GFRA1: variants seen among roughly 807,000 people sequenced by gnomAD.
GFRA1 encodes the protein GDNF family receptor alpha 1, also known as GDNF family receptor alpha-1.
GFRA1 carries 16 observed loss-of-function variants against 51.6 expected under a neutral mutation model. That is an observed-to-expected ratio of 0.31 (90% CI 0.21 to 0.47). The LOEUF (loss-of-function observed/expected upper bound fraction) is 0.47, where lower values mean the gene tolerates loss of function less well. GFRA1 is among the 20% of genes least tolerant of loss of function. The pLI is 1.00. For missense variants in GFRA1, 530 were observed against 594.3 expected, an observed-to-expected ratio of 0.89 and a Z score of 1.13; for synonymous variants, 270 against 241.3, an observed-to-expected ratio of 1.12 and a Z score of -1.10.
intron 6 of GFRA1, among the ~76,000 whole-genome samples, chr10:116,099,277 G>A (rs779494934): frequency 2.0e-5 from 3 of 152,136 alleles, no homozygotes; most frequent in Non-Finnish European, 2.9e-5. Flanking sequence ...TTTACACCAC[G>A]GTAACCAGCA....
At chr10:116,214,070 CTG>C (rs1965396419) in intron 4 of GFRA1, among the ~76,000 whole-genome samples, 1 of 151,994 alleles carries the variant, frequency 6.6e-6, no homozygotes, top group Non-Finnish European at 1.5e-5. Flanking sequence ...TGCCCAGAGA[CTG>C]TGAGAACCGT....
intron 4 of GFRA1, among the ~76,000 whole-genome samples, chr10:116,222,306 C>T (rs933538898): frequency 3.2e-4 from 48 of 152,166 alleles, no homozygotes; most frequent in African/African-American, 1.0e-3. Flanking sequence ...TCAAGCTATT[C>T]TCCTGCCTCA....
chr10:116,241,621 C>G lies in GFRA1; in HGVS notation c.418+27882G>C, dbSNP rs988883513. Among the ~76,000 whole-genome samples, 5 of 152,232 alleles carry G rather than the reference C, an allele frequency of 3.3e-5. No individual in the cohort carries two copies. The South Asian group carries it at 1.0e-3, about 32-fold the overall frequency. The stretch of plus-strand genomic sequence containing the variant: ...ACTTTGGCAGGAAACAGAGGTTCAT[C>G]TGGAACTGATAGGATGGTCAAATTG... On this transcript the variant is annotated intron_variant, in intron 4 of 10. Coordinates refer to ENST00000355422, the MANE Select transcript of GFRA1 (RefSeq NM_005264.8).
intron 5 of GFRA1, among the ~76,000 whole-genome samples, chr10:116,156,056 G>C (rs924186633): frequency 1.3e-5 from 2 of 152,092 alleles, no homozygotes; most frequent in African/African-American, 4.8e-5. Context: ...TTCACAAATG[G>C]GCCTCTTTCG....
At chr10:116,164,017 C>T (rs558929509) in intron 5 of GFRA1, among the ~76,000 whole-genome samples, 10 of 152,158 alleles carry the variant, frequency 6.6e-5, no homozygotes, top group Non-Finnish European at 4.4e-5. Flanking sequence ...TGACACCATT[C>T]CCACTCCCGA....
At chr10:116,173,315 C>T (rs1458618960) in intron 5 of GFRA1, among the ~76,000 whole-genome samples, 2 of 152,070 alleles carry the variant, frequency 1.3e-5, no homozygotes, top group African/African-American at 4.8e-5. Flanking sequence ...ATGGGAGAGG[C>T]TGAATGACAG....
Position 116,082,405 on chromosome 10 carries a change from T to C in GFRA1, c.1197+7336A>G, listed in dbSNP as rs188803384. 2.9e-4 allele frequency among the ~76,000 whole-genome samples: 44 copies of C among 152,292 alleles called. 1 individual carries two copies. The East Asian group carries it at 7.7e-3, about 27-fold the overall frequency. On this transcript the variant is annotated intron_variant, in intron 9 of 10. Coordinates refer to ENST00000355422, the MANE Select transcript of GFRA1 (RefSeq NM_005264.8). ...TCCCTCTTCCCCTCCTCCCTGGGAC[T>C]TTCCACCAAGACCACATCTTAGAAC...
At chr10:116,187,195 G>T (rs1962807016) in intron 5 of GFRA1, among the ~76,000 whole-genome samples, 1 of 152,318 alleles carries the variant, frequency 6.6e-6, no homozygotes, top group South Asian at 2.1e-4. Context: ...AAGTAGTCTA[G>T]AAAAAGGCTT....
intron 5 of GFRA1, among the ~76,000 whole-genome samples, chr10:116,150,996 G>A (rs923961026): frequency 6.6e-6 from 1 of 151,900 alleles, no homozygotes; most frequent in Non-Finnish European, 1.5e-5. Flanking sequence ...CACTGGCATT[G>A]AGCTGCACTT....
At chr10:116,173,568 C>T (rs1248635969) in intron 5 of GFRA1, among the ~76,000 whole-genome samples, 1 of 152,156 alleles carries the variant, frequency 6.6e-6, no homozygotes, top group Non-Finnish European at 1.5e-5. Flanking sequence ...CACCGTATGC[C>T]TTTCCAATAA....
rs549890029 is a variant in GFRA1, at chr10:116,130,443, ATAAC to A, written c.434-4890_434-4887del. Among the ~76,000 whole-genome samples the A allele has an allele frequency of 1.3e-3, 195 of 152,246 alleles. 1 individual carries two copies. Among genetic ancestry groups the A allele is most frequent in the African/African-American group, 4.5e-3 (188 of 41,586 alleles). The stretch of plus-strand genomic sequence containing the variant: ...TATATGGAAACGCAAAGGACACAGA[ATAAC>A]TAAAGCAACTGGAACAAGGAAAACA... On this transcript the variant is annotated intron_variant, in intron 5 of 10. Coordinates refer to ENST00000355422, the MANE Select transcript of GFRA1 (RefSeq NM_005264.8).
chr10:116,265,262 C>T (rs144525266), intron 4 of GFRA1, among the ~76,000 whole-genome samples: 21 of 151,872 alleles, frequency 1.4e-4, no homozygotes, highest in Non-Finnish European at 2.8e-4. Context: ...TTCCTTCCAG[C>T]AAGTCAGGAT....
intron 4 of GFRA1, among the ~76,000 whole-genome samples, chr10:116,217,227 A>G (rs59065548): frequency 0.21 from 31,909 of 152,070 alleles, 3,419 homozygotes; most frequent in South Asian, 0.29. Flanking sequence ...CCGGATCTCA[A>G]TGACCTGGGA....
intron 4 of GFRA1, among the ~76,000 whole-genome samples, chr10:116,240,334 T>A (rs4554795): frequency 0.63 from 95,669 of 151,978 alleles, 31,501 homozygotes; most frequent in African/African-American, 0.83. Flanking sequence ...TCATCCTAGC[T>A]TCACCCTTCC....
chr10:116,153,507 G>A (rs972814485), intron 5 of GFRA1, among the ~76,000 whole-genome samples: 2 of 152,150 alleles, frequency 1.3e-5, no homozygotes, highest in Non-Finnish European at 2.9e-5. Context: ...GTTGAGTGCT[G>A]TCTGCTGGTT....
At chr10:116,157,991 T>C (rs1305332241) in intron 5 of GFRA1, among the ~76,000 whole-genome samples, 1 of 152,140 alleles carries the variant, frequency 6.6e-6, no homozygotes, top group Non-Finnish European at 1.5e-5. Flanking sequence ...TCTTTAAGCC[T>C]GGTGGGTCAG....
At chr10:116,198,994 G>C (rs1331317505) in intron 5 of GFRA1, among the ~76,000 whole-genome samples, 1 of 152,138 alleles carries the variant, frequency 6.6e-6, no homozygotes, top group African/African-American at 2.4e-5. Context: ...TGATGATGGA[G>C]GCAGAGATGG....
intron 5 of GFRA1, among the ~76,000 whole-genome samples, chr10:116,141,245 T>C (rs1371904831): frequency 6.6e-6 from 1 of 152,076 alleles, no homozygotes; most frequent in Non-Finnish European, 1.5e-5. Flanking sequence ...AAATGAACAA[T>C]GCAGGTACGT....
chr10:116,093,842 A>G lies in GFRA1; in HGVS notation c.881-6T>C. ...GTTGGGGGTCATGACTGTGCCTAAA[A>G]GAATAAAAACAAGGCATTTTATTGT... On this transcript the variant is annotated splice_polypyrimidine_tract_variant and splice_region_variant and intron_variant, in intron 7 of 10. Coordinates refer to ENST00000355422, the MANE Select transcript of GFRA1 (RefSeq NM_005264.8). 2 of 1,613,996 alleles carry G rather than the reference A, an allele frequency of 1.2e-6. No homozygotes were observed. Among genetic ancestry groups the G allele is most frequent in the Non-Finnish European group, 1.7e-6 (2 of 1,179,852 alleles).
Sources: allele counts gnomAD v4.1 joint callset (sites outside exome capture counted in the v4.1 genomes callset), GRCh38; gene constraint gnomAD v4.1.1; transcripts MANE v1.5; gene names NCBI Gene and HGNC (gene_info 2026-07-23, HGNC 2026-07-21).